The following CFAP54 variants were observed in gnomAD, a reference collection of about 807,000 sequenced individuals.
CFAP54 encodes cilia and flagella associated protein 54.
CFAP54 carries 290 observed loss-of-function variants against 370.4 expected under a neutral mutation model. The observed-to-expected ratio is 0.78, with a 90% confidence interval of 0.71 to 0.86. The LOEUF (loss-of-function observed/expected upper bound fraction) is 0.86. Among genes scored for constraint, CFAP54 ranks in the 40% least tolerant of loss-of-function variants. The pLI, the probability that CFAP54 is intolerant of heterozygous loss-of-function variation, is 0.00. For missense variants in CFAP54, 3,399 were observed against 3,528.7 expected (o/e 0.96, Z 0.93); for synonymous variants, 1,206 against 1,236.5 (o/e 0.98, Z 0.52).
At chr12:96,827,146 A>AGTGTGC (rs1362744941) in intron 65 of CFAP54, among the ~76,000 whole-genome samples, 3 of 76,628 alleles carry the variant, frequency 3.9e-5, no homozygotes, top group African/African-American at 1.6e-4. Flanking sequence ...GATTATATAT[A>AGTGTGC]ATGTGCAATT....
chr12:96,822,012 C>A (rs1244234888), intron 65 of CFAP54, among the ~76,000 whole-genome samples: 4 of 152,006 alleles, frequency 2.6e-5, no homozygotes, highest in Non-Finnish European at 4.4e-5. Context: ...TTATGTATAT[C>A]CCCCCAAAAC....
intron 63 of CFAP54, among the ~76,000 whole-genome samples, chr12:96,794,087 G>T (rs1295537454): frequency 6.6e-6 from 1 of 152,096 alleles, no homozygotes; most frequent in Non-Finnish European, 1.5e-5. Context: ...AGCTTGGTAG[G>T]GTTTCTGCTG....
intron 60 of CFAP54, among the ~76,000 whole-genome samples, chr12:96,778,567 A>T (rs370575685): frequency 6.6e-6 from 1 of 152,026 alleles, no homozygotes; most frequent in African/African-American, 2.4e-5. Context: ...TATACATTCT[A>T]CTTGATGACA....
At chr12:96,864,550 C>T (rs1337146375) in intron 67 of CFAP54, among the ~76,000 whole-genome samples, 1 of 152,062 alleles carries the variant, frequency 6.6e-6, no homozygotes, top group Non-Finnish European at 1.5e-5. Context: ...ATGTACTCTC[C>T]AGAAACTTGG....
At chr12:96,749,521 C>T (rs1247808333) in intron 55 of CFAP54, among the ~76,000 whole-genome samples, 1 of 152,190 alleles carries the variant, frequency 6.6e-6, no homozygotes, top group Non-Finnish European at 1.5e-5. Flanking sequence ...ATTGTAAGCA[C>T]TATTGAGTGT....
chr12:96,592,675 A>G, intron 24 of CFAP54, 38 bp downstream of exon 24: 2 of 707,456 alleles, frequency 2.8e-6, no homozygotes, highest in East Asian at 3.4e-5. Flanking sequence ...TGTCAGATTC[A>G]CTGTATTTTT....
intron 13 of CFAP54, 49 bp from the exon 14 acceptor site, chr12:96,540,788 C>G: frequency 8.3e-7 from 1 of 1,201,590 alleles, no homozygotes. Context: ...ACTGTTTCTA[C>G]AGTTTCATAT....
chr12:96,710,605 A>G (rs1295005852), intron 48 of CFAP54, among the ~76,000 whole-genome samples: 1 of 152,038 alleles, frequency 6.6e-6, no homozygotes, highest in Non-Finnish European at 1.5e-5. Context: ...TACCATCTCT[A>G]GGAACTGGGA....
intron 63 of CFAP54, among the ~76,000 whole-genome samples, chr12:96,796,273 C>T (rs1020736037): frequency 6.6e-6 from 1 of 152,144 alleles, no homozygotes; most frequent in Non-Finnish European, 1.5e-5. Flanking sequence ...ACTGCAAGTT[C>T]GGCCTATCTC....
chr12:96,741,189 C>T (rs972493802), intron 51 of CFAP54, among the ~76,000 whole-genome samples: 14 of 151,978 alleles, frequency 9.2e-5, no homozygotes, highest in African/African-American at 1.9e-4. Flanking sequence ...TTTTTTGAGA[C>T]GGAGTCTCGC....
At chr12:96,769,333 G>A (rs1280270112) in intron 60 of CFAP54, among the ~76,000 whole-genome samples, 1 of 152,158 alleles carries the variant, frequency 6.6e-6, no homozygotes, top group Non-Finnish European at 1.5e-5. Flanking sequence ...AATATATACA[G>A]AAAACTATAA....
chr12:96,825,684 A>G (rs1330687366), intron 65 of CFAP54, among the ~76,000 whole-genome samples: 1 of 122,828 alleles, frequency 8.1e-6, no homozygotes, highest in African/African-American at 3.3e-5. Flanking sequence ...TATATATAAC[A>G]TATCACGATA....
In CFAP54 at chr12:96,826,243, G is replaced by T. The variant is rs934520212; in HGVS notation, c.9097-2771G>T. On this transcript the variant is annotated intron_variant, in intron 65 of 67. Coordinates refer to ENST00000524981, the MANE Select transcript of CFAP54 (RefSeq NM_001306084.2). ...AACAAGGAAAAGGCCAAATTTCAGG[G>T]TTCTAAAACCATAGATAATTCAATT... is the stretch of plus-strand genomic sequence containing the variant. 3.5e-5 allele frequency among the ~76,000 whole-genome samples: 5 copies of T among 141,616 alleles called. No individual in the cohort carries two copies. In the Admixed American group the frequency reaches 3.7e-4, roughly 11 times the overall value. 92.9% of individuals were successfully genotyped at this position (141,616 alleles called of 152,430 possible). A position where few individuals can be genotyped will look rare whatever the true frequency, so the allele number is the denominator to read the frequency against.
intron 63 of CFAP54, among the ~76,000 whole-genome samples, chr12:96,810,075 C>T (rs1049935439): frequency 1.3e-5 from 2 of 151,972 alleles, no homozygotes; most frequent in Non-Finnish European, 2.9e-5. Flanking sequence ...GAGGAGTCTC[C>T]AGGTTGTACC....
chr12:96,805,702 A>G (rs1958870638), intron 63 of CFAP54, among the ~76,000 whole-genome samples: 1 of 152,162 alleles, frequency 6.6e-6, no homozygotes, highest in Non-Finnish European at 1.5e-5. Context: ...GTAACTAAAA[A>G]TTGAACCACC....
intron 32 of CFAP54, among the ~76,000 whole-genome samples, chr12:96,638,078 A>G (rs778533396): frequency 3.3e-5 from 5 of 152,128 alleles, no homozygotes; most frequent in Non-Finnish European, 7.4e-5. Context: ...CACACACTGT[A>G]CAATGGTAAT....
chr12:96,852,357 G>A (rs76364006), intron 66 of CFAP54, among the ~76,000 whole-genome samples: 2,174 of 152,092 alleles, frequency 0.014, 81 homozygotes, highest in East Asian at 0.11. Flanking sequence ...TGGACTCTCC[G>A]TTGTATTTCT....
chr12:96,591,536 T>A (rs1162608429), intron 23 of CFAP54, among the ~76,000 whole-genome samples: 6 of 151,882 alleles, frequency 4.0e-5, no homozygotes, highest in Admixed American at 2.6e-4. Flanking sequence ...GATAACACTA[T>A]GGTGGTCGAG....
Position 96,598,725 on chromosome 12 carries a change from T to A in CFAP54, c.3597T>A (p.Ser1199Arg), listed in dbSNP as rs1413010389. The A allele has an allele frequency of 2.1e-5, 14 of 676,850 alleles. No individual in the cohort carries two copies. In the Admixed American group the frequency reaches 2.7e-4, roughly 13 times the overall value. 41.9% of individuals were successfully genotyped at this position (676,850 alleles called of 1,614,324 possible). Residue 1199 changes from serine to arginine, a missense_variant, in exon 26 of 68, where the codon AGT becomes AGA. Physicochemically the swap from Ser to Arg is moderately radical, Grantham distance 110. Around this residue, in one of 3 missense-constraint regions of CFAP54, gnomAD observed 2,796 missense variants for 2,869.7 expected, o/e 0.97. Coordinates refer to ENST00000524981, the MANE Select transcript of CFAP54 (RefSeq NM_001306084.2). ...CSKKHTASFE[S>R]IQHMIACCIF... Reference sequence around the variant, plus strand: ...AGAAACATACTGCGAGCTTTGAAAGTATACAACACATGATAGCTTGTTGTA... The same window carrying A: ...AGAAACATACTGCGAGCTTTGAAAGAATACAACACATGATAGCTTGTTGTA...
Sources: gnomAD v4.1 joint callset for allele counts (sites outside exome capture counted in the v4.1 genomes callset) on GRCh38, gnomAD v4.1.1 for gene constraint, gnomAD v4.1.1 regional missense constraint, MANE v1.5 for transcripts, NCBI Gene and HGNC (gene_info 2026-07-23, HGNC 2026-07-21) for gene names.